Variants in FAR1 observed in about 807,000 individuals in gnomAD.
FAR1 encodes male sterility domain-containing protein 2.
Under a neutral mutation model 61.1 loss-of-function variants are expected in FAR1, and 22 were observed. The ratio of observed to expected loss-of-function variants is 0.36; its 90% confidence interval spans 0.26 to 0.51. The LOEUF (loss-of-function observed/expected upper bound fraction) is 0.51, where lower values mean the gene tolerates loss of function less well. FAR1 is among the 20% of genes least tolerant of loss of function. FAR1 has a pLI of 0.95. For synonymous variants in FAR1, 206 were observed against 209.7 expected, an observed-to-expected ratio of 0.98 and a Z score of 0.15; for missense variants, 359 against 626.9, an observed-to-expected ratio of 0.57 and a Z score of 4.56.
chr11:13,686,953 G>A (rs997254078), intron 1 of FAR1, among the ~76,000 whole-genome samples: 3 of 152,126 alleles, frequency 2.0e-5, no homozygotes, highest in African/African-American at 7.2e-5. Flanking sequence ...TGAGACCTGC[G>A]TGTTCTTTTG....
At chr11:13,679,833 T>C (rs1397359796) in intron 1 of FAR1, among the ~76,000 whole-genome samples, 1 of 152,178 alleles carries the variant, frequency 6.6e-6, no homozygotes, top group Non-Finnish European at 1.5e-5. Flanking sequence ...TTTTAACTCT[T>C]GTCAAAGTGC....
intron 1 of FAR1, among the ~76,000 whole-genome samples, chr11:13,670,627 A>G (rs986295768): frequency 6.6e-6 from 1 of 152,046 alleles, no homozygotes; most frequent in Admixed American, 6.6e-5. Flanking sequence ...AAAATTCCAC[A>G]TAAATTTTCT....
At chr11:13,715,771 T>A (rs1848548698) in intron 9 of FAR1, 1 of 152,196 alleles carries the variant, frequency 6.6e-6, no homozygotes, top group Admixed American at 6.5e-5. Flanking sequence ...TTAAAATACT[T>A]AATTTTTTTT....
chr11:13,682,034 A>G (rs952067630), intron 1 of FAR1, among the ~76,000 whole-genome samples: 7 of 152,190 alleles, frequency 4.6e-5, no homozygotes, highest in African/African-American at 1.7e-4. Flanking sequence ...TCATCCCTGC[A>G]TATCTTAATG....
At chr11:13,669,956 CTCAGCTG>C (rs1294094636) in intron 1 of FAR1, among the ~76,000 whole-genome samples, 57 of 152,192 alleles carry the variant, frequency 3.7e-4, no homozygotes, top group Non-Finnish European at 2.2e-4. Flanking sequence ...AGGGGAGTTT[CTCAGCTG>C]TCATGTTGGG....
chr11:13,707,932 G>T lies in FAR1; in HGVS notation c.398G>T (p.Arg133Leu). 6.3e-7 allele frequency: 1 copy of T among 1,589,200 alleles called. No individual in the cohort carries two copies. Among genetic ancestry groups the T allele is most frequent in the Non-Finnish European group, 8.6e-7 (1 of 1,168,058 alleles). The change falls in exon 4 of 12, where the codon CGA becomes CTA. Residue 133 changes from arginine to leucine, a missense_variant. Physicochemically the swap from Arg to Leu is moderately radical, Grantham distance 102. Around this residue, in one of 2 missense-constraint regions of FAR1, gnomAD observed 344 missense variants for 570.3 expected, o/e 0.60. Coordinates refer to ENST00000354817, the MANE Select transcript of FAR1 (RefSeq NM_032228.6). ...DAVQLNVIAT[R>L]QLILLAQQMK... Reference sequence around the variant, plus strand: ...GTTCAGTTAAATGTGATTGCAACGCGACAGCTTATTCTCCTTGCACAACAA... The same window carrying T: ...GTTCAGTTAAATGTGATTGCAACGCTACAGCTTATTCTCCTTGCACAACAA...
intron 1 of FAR1, among the ~76,000 whole-genome samples, chr11:13,679,126 A>C (rs1848098669): frequency 6.6e-6 from 1 of 152,164 alleles, no homozygotes; most frequent in South Asian, 2.1e-4. Flanking sequence ...TTAGCAAAAA[A>C]GATATTGCAA....
At chr11:13,687,808 A>G (rs1312064120) in intron 1 of FAR1, among the ~76,000 whole-genome samples, 2 of 152,110 alleles carry the variant, frequency 1.3e-5, no homozygotes, top group African/African-American at 4.8e-5. Context: ...TTGTAGGGAC[A>G]TGGATGAAGC....
At chr11:13,708,173 C>A (rs1591266434) in intron 4 of FAR1, 94 bp downstream of exon 4, 2 of 814,554 alleles carry the variant, frequency 2.5e-6, no homozygotes, top group Non-Finnish European at 3.5e-6. Context: ...AGCAGCCAGG[C>A]CAACATAGTG....
chr11:13,710,503 CA>C (rs1848486266), intron 4 of FAR1, among the ~76,000 whole-genome samples, 189 bp from the exon 5 acceptor site: 1 of 151,828 alleles, frequency 6.6e-6, no homozygotes, highest in African/African-American at 2.4e-5. Flanking sequence ...ACAGAAATTG[CA>C]GATAAGGGAT....
intron 9 of FAR1, among the ~76,000 whole-genome samples, chr11:13,718,617 T>C (rs1339736618): frequency 2.0e-5 from 3 of 152,210 alleles, no homozygotes; most frequent in Non-Finnish European, 4.4e-5. Flanking sequence ...CCTCCCAGTG[T>C]TGAGATCTGT....
chr11:13,721,698 A>C lies in FAR1; in HGVS notation c.1128-32A>C. 6.2e-7 allele frequency: 1 copy of C among 1,601,226 alleles called. No individual in the cohort carries two copies. Among genetic ancestry groups the C allele is most frequent in the Non-Finnish European group, 8.5e-7 (1 of 1,173,682 alleles). Reference sequence around the variant, plus strand: ...TAGGATTTTTCCTAATCTATACAAAATATGAATCTGTCCATTTTTCTTACA... The same window carrying C: ...TAGGATTTTTCCTAATCTATACAAACTATGAATCTGTCCATTTTTCTTACA... On this transcript the variant is annotated intron_variant, in intron 9 of 11. Transcript: ENST00000354817. This position sits in a 1 kb window ranked among gnomAD's most constrained non-coding sequence, Gnocchi z 4.2.
Position 13,721,561 on chromosome 11 carries a change from A to C in FAR1, c.1128-169A>C. On this transcript the variant is annotated intron_variant, in intron 9 of 11. Coordinates refer to ENST00000354817, the MANE Select transcript of FAR1 (RefSeq NM_032228.6). This position sits in a 1 kb window ranked among gnomAD's most constrained non-coding sequence, Gnocchi z 4.2. The stretch of plus-strand genomic sequence containing the variant: ...TTTGGATTTATAAATTGTTCATCCA[A>C]GATGCAGAAATAGTCTTATTCCCTG... The C allele has an allele frequency of 1.9e-6, 1 of 535,756 alleles. No individual in the cohort carries two copies. Among genetic ancestry groups the C allele is most frequent in the Non-Finnish European group, 3.1e-6 (1 of 318,868 alleles). 33.2% of individuals were successfully genotyped at this position (535,756 alleles called of 1,614,324 possible).
intron 1 of FAR1, among the ~76,000 whole-genome samples, chr11:13,675,889 T>C (rs1216623207): frequency 1.3e-5 from 2 of 152,214 alleles, no homozygotes; most frequent in African/African-American, 2.4e-5. Flanking sequence ...ATAGCTTATT[T>C]TGAAGTATTC....
chr11:13,703,394 C>G (rs113833219), intron 3 of FAR1, among the ~76,000 whole-genome samples: 4,402 of 146,242 alleles, frequency 0.03, 192 homozygotes, highest in African/African-American at 0.1. Context: ...AACAGTTACT[C>G]TTTATAACTA....
intron 1 of FAR1, among the ~76,000 whole-genome samples, chr11:13,689,146 T>C (rs1565341807): frequency 1.3e-5 from 2 of 152,184 alleles, no homozygotes; most frequent in East Asian, 3.8e-4. Context: ...ATGATCCCTG[T>C]TTGTTTTTAT....
intron 10 of FAR1, among the ~76,000 whole-genome samples, chr11:13,724,826 A>G (rs754089169): frequency 5.3e-5 from 8 of 152,192 alleles, no homozygotes; most frequent in Non-Finnish European, 1.2e-4. Flanking sequence ...GACTAGCCAT[A>G]TTAAAAGTGC....
In FAR1 at chr11:13,674,929, A is replaced by G. The variant is rs116343115; in HGVS notation, c.-8+6123A>G. 9.1e-3 allele frequency among the ~76,000 whole-genome samples: 1,383 copies of G among 152,286 alleles called. 18 individuals carry two copies. The highest frequency in any genetic ancestry group is 0.031 in the African/African-American group (1,292 of 41,562). On this transcript the variant is annotated intron_variant, in intron 1 of 11. Transcript: ENST00000354817. ...GGAGAGGCAAGCTTCTAAACTTTGT[A>G]TTATGGAAAATTGACAGCAATAATA... is the stretch of plus-strand genomic sequence containing the variant.
intron 10 of FAR1, among the ~76,000 whole-genome samples, chr11:13,726,091 G>C (rs553748417): frequency 7.0e-4 from 106 of 152,048 alleles, no homozygotes; most frequent in African/African-American, 2.4e-3. Flanking sequence ...ATCCTTCTCT[G>C]ATAGTGAAGG....
Sources: gnomAD v4.1 joint callset for allele counts (sites outside exome capture counted in the v4.1 genomes callset) on GRCh38, gnomAD v4.1.1 for gene constraint, gnomAD v4.1.1 regional missense constraint, Gnocchi (gnomAD v3.1) non-coding constraint, MANE v1.5 for transcripts, NCBI Gene and HGNC (gene_info 2026-07-23, HGNC 2026-07-21) for gene names.